NAT10: variants seen among roughly 807,000 people sequenced by gnomAD.
NAT10 encodes N-acetyltransferase 10, also known as RNA cytidine acetyltransferase.
In NAT10, 109 loss-of-function variants were observed where a neutral mutation model predicts 132.2. The ratio of observed to expected loss-of-function variants is 0.82; its 90% CI spans 0.71 to 0.97. The LOEUF is 0.97. Ranked by LOEUF, NAT10 falls within the 50% of genes least tolerant of loss-of-function variation. The probability of loss-of-function intolerance (pLI) is 0.00; values close to 1 mark genes in which losing one functional copy is unlikely to be tolerated. For missense variants in NAT10, 1,184 were observed against 1,263.4 expected (o/e 0.94, Z 0.95); for synonymous variants, 479 against 478.0 (o/e 1.00, Z -0.03).
At chr11:34,123,694 C>CT in intron 9 of NAT10, 68 bp from the exon 10 acceptor site, 2 of 1,257,746 alleles carry the variant, frequency 1.6e-6, no homozygotes, top group South Asian at 1.3e-5. Context: ...AAAATATTTT[C>CT]TTTTTTAAAT....
intron 11 of NAT10, among the ~76,000 whole-genome samples, chr11:34,124,778 A>G (rs1056612300): frequency 3.3e-5 from 5 of 152,258 alleles, no homozygotes; most frequent in African/African-American, 1.2e-4. Flanking sequence ...CTTAAATGAA[A>G]AAAAGAACTT....
At chr11:34,114,683 T>C (rs1434348038) in intron 5 of NAT10, among the ~76,000 whole-genome samples, 1 of 152,190 alleles carries the variant, frequency 6.6e-6, no homozygotes, top group Non-Finnish European at 1.5e-5. Context: ...CGCTTCCTCA[T>C]TGCATTCAAG....
chr11:34,129,051 G>A (rs1590772595), intron 12 of NAT10, among the ~76,000 whole-genome samples: 1 of 152,100 alleles, frequency 6.6e-6, no homozygotes, highest in East Asian at 1.9e-4. Context: ...ATCTGTTGGT[G>A]GACATTTGGG....
At position 34,139,459 on chromosome 11, in the gene NAT10, A is replaced by G; in HGVS notation, c.2383A>G (p.Ile795Val). 1.2e-6 allele frequency: 2 copies of G among 1,614,072 alleles called. No homozygotes were observed. Among genetic ancestry groups the G allele is most frequent in the Non-Finnish European group, 1.7e-6 (2 of 1,179,996 alleles). The part of the protein sequence containing the change: ...TFSPSLALNI[I>V]QNRNMGKPAQ... ...CTCTCCTTCCCTGGCTCTGAACATC[A>G]TTCAGAACAGGAACATGGGGAAGCC... Residue 795 changes from isoleucine (I) to valine (V), a missense_variant, in exon 23 of 29, where the codon ATT (isoleucine) becomes GTT (valine). Coordinates refer to ENST00000257829, the MANE Select transcript of NAT10 (RefSeq NM_024662.3).
rs371826067 is a variant in NAT10 at position 34,146,137 on chromosome 11, T to A, written c.3023T>A (p.Leu1008Ter). 1.9e-6 allele frequency: 3 copies of A among 1,610,704 alleles called. No homozygotes were observed. In the African/African-American group the frequency reaches 4.0e-5, roughly 22 times the overall value. Reference sequence around the variant, plus strand: ...CAAGAACCCAAACAGAGCAAGAAGTTGAAGAACAGAGAGACAAAGAACAAA... The same window carrying A: ...CAAGAACCCAAACAGAGCAAGAAGTAGAAGAACAGAGAGACAAAGAACAAA... ...AKQEPKQSKK[L>*]KNRETKNKKD... Residue 1008 changes from leucine (L) to a stop codon, truncating the protein, a stop_gained, in exon 29 of 29, where the codon TTG (leucine) becomes TAG (stop). Transcript: ENST00000257829. LOFTEE classifies it high-confidence loss of function.
Position 34,121,706 on chromosome 11 carries a change from A to G in NAT10, c.781-753A>G, listed in dbSNP as rs1370032079. Among the ~76,000 whole-genome samples, 3 of 151,702 alleles carry G rather than the reference A, an allele frequency of 2.0e-5. 1 individual carries two copies. Among genetic ancestry groups the G allele is most frequent in the Admixed American group, 1.3e-4 (2 of 15,230 alleles). ...GAAACCCCGTCTCTACTAAAAATAC[A>G]AAAATTAGCTGGGCATGGTGGTGTG... On this transcript the variant is annotated intron_variant, in intron 8 of 28. Coordinates refer to ENST00000257829, the MANE Select transcript of NAT10 (RefSeq NM_024662.3).
chr11:34,134,566 G>C lies in NAT10; in HGVS notation c.1891G>C (p.Val631Leu), dbSNP rs1248181508. The stretch of plus-strand genomic sequence containing the variant: ...TGGTGGAAGGGTCGTTCGCATTGCT[G>C]TTCACCCAGATTATCAAGGGGTAAT... ...LSGGRVVRIA[V>L]HPDYQGMGYG... The change falls in exon 18 of 29, where the codon GTT (valine) becomes CTT (leucine). Residue 631 changes from valine (V) to leucine (L), a missense_variant. Val to Leu is a conservative substitution (Grantham distance 32, BLOSUM62 1). Transcript: ENST00000257829. 2 of 1,614,156 alleles carry C rather than the reference G, an allele frequency of 1.2e-6. No homozygotes were observed. Among genetic ancestry groups the C allele is most frequent in the Admixed American group, 3.3e-5 (2 of 60,022 alleles).
Position 34,146,347 on chromosome 11 carries a change from A to G in NAT10, c.*155A>G. On this transcript the variant is annotated 3_prime_UTR_variant, in exon 29 of 29. Coordinates refer to ENST00000257829, the MANE Select transcript of NAT10 (RefSeq NM_024662.3). ...CTGGGCCTGTGTGTCTGTGAGCTCA[A>G]CCTGGCTAAAGGCAGAGTCACTCCC... is the stretch of plus-strand genomic sequence containing the variant. 1.7e-6 allele frequency: 1 copy of G among 581,866 alleles called. No individual in the cohort carries two copies. The highest frequency in any genetic ancestry group is 3.0e-6 in the Non-Finnish European group (1 of 328,052). The allele number at this position is 581,866 out of a possible 1,614,324, so 36.0% of individuals were successfully genotyped here.
chr11:34,123,731 T>C lies in NAT10; in HGVS notation c.915-31T>C, dbSNP rs745340097. The C allele has an allele frequency of 5.4e-6, 8 of 1,472,176 alleles. No homozygotes were observed. In the South Asian group the frequency reaches 9.5e-5, roughly 18 times the overall value. 91.2% of individuals were successfully genotyped at this position (1,472,176 alleles called of 1,614,324 possible). A position where few individuals can be genotyped will look rare whatever the true frequency, so the allele number is the denominator to read the frequency against. On this transcript the variant is annotated intron_variant, in intron 9 of 28. Transcript: ENST00000257829. ...GTTTCTTTAAGATGTTCCTAATTTC[T>C]TAAAAATCCTTCTTTTATTTTGTTC... is the stretch of plus-strand genomic sequence containing the variant.
At chr11:34,110,677 G>A (rs1414125457) in intron 3 of NAT10, among the ~76,000 whole-genome samples, 1 of 146,228 alleles carries the variant, frequency 6.8e-6, no homozygotes, top group African/African-American at 2.5e-5. Context: ...TTTATCATAG[G>A]TACTCAGTAT....
chr11:34,138,217 T>G (rs574477889), intron 21 of NAT10, among the ~76,000 whole-genome samples: 1 of 152,100 alleles, frequency 6.6e-6, no homozygotes, highest in East Asian at 1.9e-4. Flanking sequence ...GGAAGAGAGG[T>G]GACCACCTAC....
At chr11:34,108,099 G>C in intron 1 of NAT10, 112 bp from the exon 2 acceptor site, 1 of 698,754 alleles carries the variant, frequency 1.4e-6, no homozygotes, top group East Asian at 2.5e-5. Context: ...GGTTAAGTAA[G>C]ACAATACTTA....
intron 4 of NAT10, among the ~76,000 whole-genome samples, chr11:34,112,965 T>C (rs1295075424): frequency 6.6e-6 from 1 of 152,268 alleles, no homozygotes; most frequent in African/African-American, 2.4e-5. Context: ...CCCATTATTA[T>C]GTCAAGTTAC....
At chr11:34,106,782 G>A (rs1380470386) in intron 1 of NAT10, among the ~76,000 whole-genome samples, 1 of 152,194 alleles carries the variant, frequency 6.6e-6, no homozygotes, top group Non-Finnish European at 1.5e-5. Context: ...GTCCTTGACA[G>A]TGACTTAGTG....
Position 34,122,588 on chromosome 11 carries a change from T to A in NAT10, c.910T>A (p.Phe304Ile). The A allele has an allele frequency of 1.2e-6, 2 of 1,613,866 alleles. No individual in the cohort carries two copies. The highest frequency in any genetic ancestry group is 1.7e-6 in the Non-Finnish European group (2 of 1,179,938). The change falls in exon 9 of 29, where the codon TTT becomes ATT. Residue 304 changes from phenylalanine to isoleucine, a missense_variant. By Grantham distance (21) the Phe-to-Ile change is conservative. Transcript: ENST00000257829. Reference protein sequence around the residue: ...LGLAIAGAVAFGYSNIFVTSP... With the variant: ...LGLAIAGAVAIGYSNIFVTSP... ...ATTGGCGATTGCTGGGGCGGTGGCA[T>A]TTGGGTAAGGGGATTCAGTCCCCCA... is the stretch of plus-strand genomic sequence containing the variant.
chr11:34,111,918 T>A, intron 3 of NAT10, 134 bp from the exon 4 acceptor site: 1 of 963,660 alleles, frequency 1.0e-6, no homozygotes. Flanking sequence ...CCACCTGAAG[T>A]GGGCCTCACA....
chr11:34,127,210 A>G (rs1399867063), intron 11 of NAT10, among the ~76,000 whole-genome samples: 1 of 152,098 alleles, frequency 6.6e-6, no homozygotes, highest in Non-Finnish European at 1.5e-5. Context: ...CAGGAGGAGG[A>G]GTCTGAGGCA....
chr11:34,136,709 A>T lies in NAT10; in HGVS notation c.2096A>T (p.Asn699Ile). The change falls in exon 20 of 29, where the codon AAT (asparagine) becomes ATT (isoleucine). Residue 699 changes from asparagine to isoleucine, a missense_variant. By Grantham distance (149) the Asn-to-Ile change is moderately radical (BLOSUM62 -3). Coordinates refer to ENST00000257829, the MANE Select transcript of NAT10 (RefSeq NM_024662.3). ...CTGCCTCCTTTACTCCTCAAATTGA[A>T]TGAGAGGCCTGCCGAACGCCTGGAT... Reference protein sequence around the residue: ...KDLPPLLLKLNERPAERLDYL... With the variant: ...KDLPPLLLKLIERPAERLDYL... 6.2e-7 allele frequency: 1 copy of T among 1,614,070 alleles called. No individual in the cohort carries two copies. The highest frequency in any genetic ancestry group is 1.1e-5 in the South Asian group (1 of 91,070).
At chr11:34,145,140 G>A (rs1218109513) in intron 28 of NAT10, among the ~76,000 whole-genome samples, 1 of 152,236 alleles carries the variant, frequency 6.6e-6, no homozygotes, top group Non-Finnish European at 1.5e-5. Flanking sequence ...AAAGGCCGGG[G>A]AGCATGCTTG....
Sources: gnomAD v4.1 joint callset for allele counts (sites outside exome capture counted in the v4.1 genomes callset) on GRCh38, gnomAD v4.1.1 for gene constraint, MANE v1.5 for transcripts, NCBI Gene and HGNC (gene_info 2026-07-23, HGNC 2026-07-21) for gene names.